GNAI1: variants seen among roughly 807,000 people sequenced by gnomAD.
The protein encoded by GNAI1 is guanine nucleotide-binding protein G(i) subunit alpha-1.
Under a neutral mutation model 38.9 loss-of-function variants are expected in GNAI1, and 11 were observed. The ratio of observed to expected loss-of-function variants is 0.28; its 90% CI spans 0.18 to 0.47. The LOEUF (loss-of-function observed/expected upper bound fraction) is 0.47, where lower values mean the gene tolerates loss of function less well. GNAI1 is among the 20% of genes least tolerant of loss of function. GNAI1 has a pLI of 0.99. For missense variants in GNAI1, 317 were observed against 436.9 expected, an observed-to-expected ratio of 0.73 and a Z score of 2.45; for synonymous variants, 166 against 145.1, an observed-to-expected ratio of 1.14 and a Z score of -1.04.
chr7:80,159,512 T>C (rs1234371815), intron 1 of GNAI1, among the ~76,000 whole-genome samples: 1 of 152,200 alleles, frequency 6.6e-6, no homozygotes, highest in Non-Finnish European at 1.5e-5. Flanking sequence ...AATAATTGAA[T>C]GTAATTATGG....
chr7:80,188,309 A>G (rs993414883), intron 1 of GNAI1, among the ~76,000 whole-genome samples: 4 of 152,222 alleles, frequency 2.6e-5, no homozygotes, highest in African/African-American at 9.6e-5. Flanking sequence ...CAGTTAAAAC[A>G]TCTTCCAATG....
intron 1 of GNAI1, among the ~76,000 whole-genome samples, chr7:80,143,527 G>A (rs1231425305): frequency 6.6e-6 from 1 of 152,082 alleles, no homozygotes; most frequent in African/African-American, 2.4e-5. Context: ...CATTTTCCAT[G>A]TCTAAGGAAT....
At chr7:80,135,410 C>A in intron 1 of GNAI1, 132 bp downstream of exon 1, 2 of 510,684 alleles carry the variant, frequency 3.9e-6, no homozygotes, top group Non-Finnish European at 6.4e-6. Flanking sequence ...GGAGCTGGGT[C>A]CGGCGGTGCG....
chr7:80,138,211 C>T (rs1309302994), intron 1 of GNAI1, among the ~76,000 whole-genome samples: 1 of 151,946 alleles, frequency 6.6e-6, no homozygotes, highest in Non-Finnish European at 1.5e-5. Flanking sequence ...GCATTTTTTT[C>T]TTAAGGAATG....
At chr7:80,157,712 T>C in intron 1 of GNAI1, among the ~76,000 whole-genome samples, 1 of 152,196 alleles carries the variant, frequency 6.6e-6, no homozygotes, top group East Asian at 1.9e-4. Context: ...CTTTTTTCTT[T>C]TTTTTATTTT....
At chr7:80,194,091 C>G (rs1788527539) in intron 3 of GNAI1, among the ~76,000 whole-genome samples, 1 of 152,164 alleles carries the variant, frequency 6.6e-6, no homozygotes, top group Admixed American at 6.5e-5. Flanking sequence ...AAGGTTCTAT[C>G]AGTTTACCTT....
intron 1 of GNAI1, chr7:80,187,041 C>G (rs749818860): frequency 1.1e-4 from 16 of 152,202 alleles, no homozygotes; most frequent in Admixed American, 2.6e-4. Context: ...TATTCAGTGC[C>G]TGCCTGCTTT....
chr7:80,220,735 G>T lies in GNAI1; in HGVS notation c.*3242G>T, dbSNP rs1789058310. Among the ~76,000 whole-genome samples, 1 of 152,202 alleles carries T rather than the reference G, an allele frequency of 6.6e-6. No homozygotes were observed. The highest frequency in any genetic ancestry group is 2.4e-5 in the African/African-American group (1 of 41,532). On this transcript the variant is annotated 3_prime_UTR_variant, in exon 8 of 8. Coordinates refer to ENST00000649796, the MANE Select transcript of GNAI1 (RefSeq NM_002069.6). The stretch of plus-strand genomic sequence containing the variant: ...CTGACAGTAACTAGAGATCAAAAAA[G>T]GCTTAAAGAGGTTAATTAACTTGAG...
intron 3 of GNAI1, among the ~76,000 whole-genome samples, chr7:80,197,019 T>C (rs1036190920): frequency 2.0e-5 from 3 of 151,960 alleles, no homozygotes; most frequent in Non-Finnish European, 2.9e-5. Context: ...TGGACTTCTG[T>C]AGACTTGGTC....
rs907252436 is a variant in GNAI1 at position 80,221,681 on chromosome 7, T to G, written c.*4188T>G. 8.6e-5 allele frequency among the ~76,000 whole-genome samples: 12 copies of G among 139,958 alleles called. No individual in the cohort carries two copies. Among genetic ancestry groups the G allele is most frequent in the Non-Finnish European group, 1.8e-4 (12 of 65,898 alleles). 91.8% of individuals were successfully genotyped at this position (139,958 alleles called of 152,430 possible). A position where few individuals can be genotyped will look rare whatever the true frequency, so the allele number is the denominator to read the frequency against. On this transcript the variant is annotated 3_prime_UTR_variant, in exon 8 of 8. Coordinates refer to ENST00000649796, the MANE Select transcript of GNAI1 (RefSeq NM_002069.6). ...TTTTTTGGTATGGAGTCTTGCTCCT[T>G]CACCAGGCTGGAGTGCAGTCGTGCA...
At chr7:80,164,160 T>C (rs1787973105) in intron 1 of GNAI1, among the ~76,000 whole-genome samples, 1 of 147,426 alleles carries the variant, frequency 6.8e-6, no homozygotes, top group South Asian at 2.3e-4. Flanking sequence ...TTCTTCTGCC[T>C]CAGCCTCCCA....
At chr7:80,162,420 T>C (rs1468796234) in intron 1 of GNAI1, among the ~76,000 whole-genome samples, 1 of 152,192 alleles carries the variant, frequency 6.6e-6, no homozygotes, top group Non-Finnish European at 1.5e-5. Flanking sequence ...ACTCATTTTA[T>C]AGATGAAGAA....
At chr7:80,212,543 A>G (rs1291717517) in intron 6 of GNAI1, among the ~76,000 whole-genome samples, 173 bp from the exon 7 acceptor site, 1 of 152,190 alleles carries the variant, frequency 6.6e-6, no homozygotes, top group Non-Finnish European at 1.5e-5. Flanking sequence ...AGATGATTAG[A>G]CACTTCTCTT....
At position 80,222,128 on chromosome 7, in the gene GNAI1, G is replaced by A. The variant is rs553595389; in HGVS notation, c.*4635G>A. ...ATTTTGTAGTTACTTTAAAAGTTACGAAATTTCACATTTCATCAAGTCCAG... is the reference window on the plus strand; with the variant it reads ...ATTTTGTAGTTACTTTAAAAGTTACAAAATTTCACATTTCATCAAGTCCAG... On this transcript the variant is annotated 3_prime_UTR_variant, in exon 8 of 8. Transcript: ENST00000649796. Among the ~76,000 whole-genome samples, 20 of 151,274 alleles carry A rather than the reference G, an allele frequency of 1.3e-4. No individual in the cohort carries two copies. Among genetic ancestry groups the A allele is most frequent in the East Asian group, 5.8e-4 (3 of 5,144 alleles).
At chr7:80,177,325 C>T (rs143505575) in intron 1 of GNAI1, among the ~76,000 whole-genome samples, 430 of 152,192 alleles carry the variant, frequency 2.8e-3, no homozygotes, top group South Asian at 0.012. Flanking sequence ...CCACCGCGCC[C>T]GGCCAGCGTA....
Position 80,218,469 on chromosome 7 carries a change from AT to A in GNAI1, c.*980del, listed in dbSNP as rs1470949398. ...AAAAAAAAACCTGTGGACATAATGA[AT>A]TTTGAGACATTGATTGGTGAGGCTT... On this transcript the variant is annotated 3_prime_UTR_variant, in exon 8 of 8. Coordinates refer to ENST00000649796, the MANE Select transcript of GNAI1 (RefSeq NM_002069.6). 6.6e-6 allele frequency: 1 copy of A among 152,060 alleles called. No individual in the cohort carries two copies. The highest frequency in any genetic ancestry group is 1.5e-5 in the Non-Finnish European group (1 of 67,970). 9.4% of individuals were successfully genotyped at this position (152,060 alleles called of 1,614,324 possible).
rs140625096 is a variant in GNAI1 at position 80,203,749 on chromosome 7, G to A, written c.507G>A (p.Pro169=). ...LDRIAQPNYI[P]TQQDVLRTRV... is the part of the protein sequence containing the mutation. The stretch of plus-strand genomic sequence containing the variant: ...GAATAGCTCAACCAAATTACATCCC[G>A]ACTCAACAAGATGTTCTCAGAACTA... Residue 169 remains proline (P), a synonymous_variant, in exon 5 of 8, where the codon CCG becomes CCA. Transcript: ENST00000649796. The A allele has an allele frequency of 9.0e-5, 143 of 1,590,640 alleles. 1 individual carries two copies. The highest frequency in any genetic ancestry group is 2.8e-4 in the South Asian group (25 of 89,718).
At chr7:80,167,719 A>G (rs1273378414) in intron 1 of GNAI1, among the ~76,000 whole-genome samples, 1 of 152,230 alleles carries the variant, frequency 6.6e-6, no homozygotes, top group South Asian at 2.1e-4. Context: ...GCAAACTGCA[A>G]TAGATGTGCC....
chr7:80,151,382 T>C (rs1030229689), intron 1 of GNAI1, among the ~76,000 whole-genome samples: 8 of 152,092 alleles, frequency 5.3e-5, no homozygotes, highest in African/African-American at 1.7e-4. Flanking sequence ...TGTTTCTCAC[T>C]TCTAGATAAC....
Sources: gnomAD v4.1 joint callset for allele counts (sites outside exome capture counted in the v4.1 genomes callset) on GRCh38, gnomAD v4.1.1 for gene constraint, MANE v1.5 for transcripts, NCBI Gene and HGNC (gene_info 2026-07-23, HGNC 2026-07-21) for gene names.